SRCIN1: variants seen among roughly 807,000 people sequenced by gnomAD.
SRCIN1 encodes SRC kinase signaling inhibitor 1.
A neutral mutation model predicts 116.2 loss-of-function variants in SRCIN1; 50 were observed. The observed-to-expected ratio is 0.43, with a 90% CI of 0.34 to 0.54. The LOEUF is 0.54. Among genes scored for constraint, SRCIN1 ranks in the 20% least tolerant of loss-of-function variants. SRCIN1 has a pLI of 0.02. For synonymous variants in SRCIN1, 736 were observed against 750.0 expected (o/e 0.98, Z 0.30); for missense variants, 1,446 against 1,672.0 (o/e 0.86, Z 2.36).
chr17:38,568,830 C>T lies in SRCIN1; in HGVS notation c.325-599G>A, dbSNP rs1906885694. 6.6e-6 allele frequency among the ~76,000 whole-genome samples: 1 copy of T among 151,542 alleles called. No individual in the cohort carries two copies. Among genetic ancestry groups the T allele is most frequent in the Non-Finnish European group, 1.5e-5 (1 of 67,998 alleles). On this transcript the variant is annotated intron_variant, in intron 2 of 18. Transcript: ENST00000617146. The surrounding 1 kb of genome is among the most constrained non-coding windows in gnomAD (Gnocchi z 4.5). ...TAACTGCTGAGAGAAAGTATTTAGA[C>T]TTAACTGGGTGGACAAGCAGAAAGT...
intron 17 of SRCIN1, chr17:38,547,827 T>C (rs1026332575): frequency 5.0e-6 from 1 of 198,802 alleles, no homozygotes; most frequent in South Asian, 4.5e-5. Context: ...AAGGTGGGGA[T>C]CAGCTGGCGG....
chr17:38,568,371 A>C lies in SRCIN1; in HGVS notation c.325-140T>G. 1.3e-6 allele frequency: 1 copy of C among 797,310 alleles called. No individual in the cohort carries two copies. The highest frequency in any genetic ancestry group is 2.7e-5 in the East Asian group (1 of 37,642). 49.4% of individuals were successfully genotyped at this position (797,310 alleles called of 1,614,324 possible). ...CTCCACCCTCCCAGGAGCAGGAATGAAGTCATGCCTGGTACATCCATTCTC... is the reference window on the plus strand; with the variant it reads ...CTCCACCCTCCCAGGAGCAGGAATGCAGTCATGCCTGGTACATCCATTCTC... On this transcript the variant is annotated intron_variant, in intron 2 of 18. Transcript: ENST00000617146. This position sits in a 1 kb window ranked among gnomAD's most constrained non-coding sequence, Gnocchi z 4.5.
chr17:38,548,988 T>G, intron 16 of SRCIN1, 68 bp downstream of exon 16: 1 of 1,562,554 alleles, frequency 6.4e-7, no homozygotes, highest in African/African-American at 1.4e-5. Flanking sequence ...CCAGAGGGCC[T>G]CCAGAAGTCA....
intron 3 of SRCIN1, among the ~76,000 whole-genome samples, chr17:38,566,866 TTTCCTTCC>T (rs71138633): frequency 1.3e-3 from 172 of 132,012 alleles, no homozygotes; most frequent in Non-Finnish European, 1.3e-3. Context: ...TTTTGTTTCG[TTTCCTTCC>T]TTCCTTCCTT....
rs1452770483 is a variant in SRCIN1 at position 38,555,349 on chromosome 17, A to T, written c.2202-2494T>A. Among the ~76,000 whole-genome samples the T allele has an allele frequency of 4.6e-5, 7 of 152,246 alleles. No individual in the cohort carries two copies. The East Asian group carries it at 5.8e-4, about 13-fold the overall frequency. ...CCTCCATGCTCCTTTCTCCTTTTCCATTGGTTGGAAACTCTCTGGGTGATC... is the reference window on the plus strand; with the variant it reads ...CCTCCATGCTCCTTTCTCCTTTTCCTTTGGTTGGAAACTCTCTGGGTGATC... On this transcript the variant is annotated intron_variant, in intron 11 of 18. Coordinates refer to ENST00000617146, the MANE Select transcript of SRCIN1 (RefSeq NM_025248.3).
chr17:38,537,531 C>G (rs759198939), intron 18 of SRCIN1, among the ~76,000 whole-genome samples: 22 of 152,020 alleles, frequency 1.4e-4, no homozygotes, highest in Non-Finnish European at 2.8e-4. Flanking sequence ...GTGGCTCATG[C>G]CTGTAATCCC....
At position 38,558,460 on chromosome 17, in the gene SRCIN1, G is replaced by A; in HGVS notation, c.2026-58C>T. ...GGGGGAGCGGAGCCGCGAGGCAGGG[G>A]AAGGGCCGGGAGAAGGCGGGTAGAG... On this transcript the variant is annotated intron_variant, in intron 10 of 18. Coordinates refer to ENST00000617146, the MANE Select transcript of SRCIN1 (RefSeq NM_025248.3). The surrounding 1 kb of genome is among the most constrained non-coding windows in gnomAD (Gnocchi z 4.6). The A allele has an allele frequency of 1.3e-6, 2 of 1,527,404 alleles. No homozygotes were observed. The highest frequency in any genetic ancestry group is 1.7e-6 in the Non-Finnish European group (2 of 1,144,216). The allele number at this position is 1,527,404 out of a possible 1,614,324, so 94.6% of individuals were successfully genotyped here.
chr17:38,586,613 A>C (rs1908126557), intron 1 of SRCIN1, among the ~76,000 whole-genome samples: 1 of 152,160 alleles, frequency 6.6e-6, no homozygotes, highest in Admixed American at 6.5e-5. Flanking sequence ...CCCCCTGCCC[A>C]GGGAATACTG....
chr17:38,547,734 T>C, intron 17 of SRCIN1: 1 of 322,842 alleles, frequency 3.1e-6, no homozygotes, highest in Non-Finnish European at 6.1e-6. Flanking sequence ...GAGAGAGCTG[T>C]GAGAAGTGGC....
At chr17:38,554,052 T>C (rs1214478608) in intron 11 of SRCIN1, among the ~76,000 whole-genome samples, 4 of 152,008 alleles carry the variant, frequency 2.6e-5, no homozygotes, top group Non-Finnish European at 5.9e-5. Context: ...CTTTACTAAA[T>C]ATACAAAAAT....
chr17:38,548,314 G>C (rs1334602757), intron 17 of SRCIN1, among the ~76,000 whole-genome samples: 1 of 152,166 alleles, frequency 6.6e-6, no homozygotes, highest in East Asian at 1.9e-4. Flanking sequence ...GGGGATACTT[G>C]GGGGGACTCA....
At position 38,578,692 on chromosome 17, in the gene SRCIN1, C is replaced by T; in HGVS notation, c.122G>A (p.Gly41Asp). ...CAGCCCCACGTTGGAGAAGCGCCGG[C>T]CCCCGCTGCCCCCGCCGCCCCCGCC... is the stretch of plus-strand genomic sequence containing the variant. The part of the protein sequence containing the change: ...LGGGGGGGSG[G>D]RRFSNVGLVH... The change falls in exon 2 of 19, where the codon GGC becomes GAC. Residue 41 changes from glycine to aspartate, a missense_variant. By Grantham distance (94) the Gly-to-Asp change is moderately conservative. Around this residue, in one of 5 missense-constraint regions of SRCIN1, gnomAD observed 246 missense variants for 265.1 expected, o/e 0.93. Transcript: ENST00000617146. 2 of 1,538,876 alleles carry T rather than the reference C, an allele frequency of 1.3e-6. No homozygotes were observed. The highest frequency in any genetic ancestry group is 1.7e-6 in the Non-Finnish European group (2 of 1,144,928).
Position 38,563,058 on chromosome 17 carries a change from C to G in SRCIN1, c.741-138G>C. Reference sequence around the variant, plus strand: ...CATCTCAGGCTGCCTGCACACACGCCCAGCAGCCTCCACCCCGGCCTCTTC... The same window carrying G: ...CATCTCAGGCTGCCTGCACACACGCGCAGCAGCCTCCACCCCGGCCTCTTC... On this transcript the variant is annotated intron_variant, in intron 5 of 18. Transcript: ENST00000617146. The surrounding 1 kb of genome is among the most constrained non-coding windows in gnomAD (Gnocchi z 5.8). The G allele has an allele frequency of 1.2e-6, 1 of 809,550 alleles. No individual in the cohort carries two copies. Among genetic ancestry groups the G allele is most frequent in the East Asian group, 2.7e-5 (1 of 37,580 alleles). The allele number at this position is 809,550 out of a possible 1,614,324, so 50.1% of individuals were successfully genotyped here. A position where few individuals can be genotyped will look rare whatever the true frequency, so the allele number is the denominator to read the frequency against.
At chr17:38,579,238 C>G (rs910708440) in intron 1 of SRCIN1, among the ~76,000 whole-genome samples, 4 of 152,198 alleles carry the variant, frequency 2.6e-5, no homozygotes, top group Non-Finnish European at 4.4e-5. Context: ...AAAATGAGCT[C>G]GTAGTCTTCC....
At chr17:38,601,712 C>T (rs1473860497) in intron 1 of SRCIN1, among the ~76,000 whole-genome samples, 1 of 152,088 alleles carries the variant, frequency 6.6e-6, no homozygotes, top group Non-Finnish European at 1.5e-5. Flanking sequence ...CCTTCCTGGA[C>T]TCTGACAATT....
intron 10 of SRCIN1, chr17:38,559,243 C>A (rs925906681): frequency 4.8e-6 from 2 of 414,866 alleles, no homozygotes; most frequent in African/African-American, 4.2e-5. Context: ...CAGGAAGGAA[C>A]TGGAACTGCC....
chr17:38,543,697 G>T, intron 18 of SRCIN1, 126 bp downstream of exon 18: 2 of 1,364,984 alleles, frequency 1.5e-6, no homozygotes, highest in Non-Finnish European at 2.0e-6. Context: ...TCCTGGCAGG[G>T]AAGGTCTGTC....
chr17:38,599,834 G>A (rs1033511068), intron 1 of SRCIN1, among the ~76,000 whole-genome samples: 1 of 152,130 alleles, frequency 6.6e-6, no homozygotes, highest in Non-Finnish European at 1.5e-5. Flanking sequence ...GCCTGGGTAT[G>A]GGGGAAACAG....
chr17:38,578,043 T>C (rs1295538603), intron 2 of SRCIN1, among the ~76,000 whole-genome samples: 2 of 152,082 alleles, frequency 1.3e-5, no homozygotes, highest in East Asian at 3.9e-4. Flanking sequence ...ACTGAGGCTC[T>C]CAAGGCCCGA....
Sources: gnomAD v4.1 joint callset for allele counts (sites outside exome capture counted in the v4.1 genomes callset) on GRCh38, gnomAD v4.1.1 for gene constraint, gnomAD v4.1.1 regional missense constraint, Gnocchi (gnomAD v3.1) non-coding constraint, MANE v1.5 for transcripts, NCBI Gene and HGNC (gene_info 2026-07-23, HGNC 2026-07-21) for gene names.